The following CDS1 variants were observed in gnomAD, a reference collection of about 807,000 sequenced individuals.
CDS1 encodes the protein phosphatidate cytidylyltransferase 1.
Under a neutral mutation model 62.1 loss-of-function variants are expected in CDS1, and 41 were observed. The ratio of observed to expected loss-of-function variants is 0.66; its 90% CI spans 0.51 to 0.86. CDS1 has a LOEUF of 0.86. Among genes scored for constraint, CDS1 ranks in the 40% least tolerant of loss-of-function variants. The probability of loss-of-function intolerance (pLI) is 0.00; values close to 1 mark genes in which losing one functional copy is unlikely to be tolerated. For missense variants in CDS1, 470 were observed against 550.1 expected (o/e 0.85, Z 1.46); for synonymous variants, 185 against 192.6 (o/e 0.96, Z 0.32).
intron 5 of CDS1, among the ~76,000 whole-genome samples, chr4:84,625,026 A>G (rs571327432): frequency 6.6e-6 from 1 of 151,966 alleles, no homozygotes; most frequent in Admixed American, 6.5e-5. Context: ...GTGCCTGGCT[A>G]ATTTTTGTAT....
chr4:84,645,680 A>G (rs1724535578), intron 12 of CDS1, among the ~76,000 whole-genome samples: 1 of 152,202 alleles, frequency 6.6e-6, no homozygotes, highest in African/African-American at 2.4e-5. Flanking sequence ...CATCCAGTCT[A>G]CCAATTATTA....
chr4:84,646,664 TA>T (rs1724566807), intron 12 of CDS1, among the ~76,000 whole-genome samples: 1 of 152,184 alleles, frequency 6.6e-6, no homozygotes, highest in African/African-American at 2.4e-5. Context: ...GAGTATTTTA[TA>T]ATTTTTGAGA....
chr4:84,584,573 CTGGCT>C (rs1233384110), intron 1 of CDS1, among the ~76,000 whole-genome samples: 1 of 152,206 alleles, frequency 6.6e-6, no homozygotes, highest in African/African-American at 2.4e-5. Flanking sequence ...GTTGCTGAGA[CTGGCT>C]GGCAGTTCTG....
chr4:84,612,728 C>T (rs968617797), intron 3 of CDS1, among the ~76,000 whole-genome samples: 13 of 152,176 alleles, frequency 8.5e-5, no homozygotes, highest in African/African-American at 2.4e-4. Flanking sequence ...CGGTGGCTGA[C>T]GCCTGTAATC....
At chr4:84,619,366 A>G in intron 4 of CDS1, 28 bp from the exon 5 acceptor site, 1 of 1,290,880 alleles carries the variant, frequency 7.7e-7, no homozygotes, top group African/African-American at 1.5e-5. Flanking sequence ...CTTCAAATAT[A>G]GAAAAGCTAA....
chr4:84,590,322 C>T (rs1489984401), intron 1 of CDS1, among the ~76,000 whole-genome samples: 1 of 152,062 alleles, frequency 6.6e-6, no homozygotes, highest in African/African-American at 2.4e-5. Context: ...GCAAGAGTTT[C>T]CAGGAATACT....
At chr4:84,584,007 T>C (rs557020290) in intron 1 of CDS1, among the ~76,000 whole-genome samples, 1 of 152,250 alleles carries the variant, frequency 6.6e-6, no homozygotes, top group South Asian at 2.1e-4. Flanking sequence ...TGCACTTACA[T>C]TTTCTCCATC....
chr4:84,633,829 A>G, intron 6 of CDS1, 28 bp from the exon 7 acceptor site: 1 of 1,509,550 alleles, frequency 6.6e-7, no homozygotes, highest in Non-Finnish European at 9.1e-7. Context: ...TGTGTTCACT[A>G]ATTTTTGTAT....
chr4:84,601,688 G>A (rs189032450), intron 1 of CDS1, among the ~76,000 whole-genome samples: 48 of 152,190 alleles, frequency 3.2e-4, no homozygotes, highest in Admixed American at 8.5e-4. Context: ...CAGGGCGGGC[G>A]GATCACCTGA....
chr4:84,601,998 G>A (rs185813141), intron 1 of CDS1, among the ~76,000 whole-genome samples: 8 of 152,148 alleles, frequency 5.3e-5, no homozygotes, highest in Admixed American at 2.0e-4. Flanking sequence ...GCACAGTGCC[G>A]CATGGCTCTA....
chr4:84,586,210 A>T (rs1430654118), intron 1 of CDS1, among the ~76,000 whole-genome samples: 1 of 152,130 alleles, frequency 6.6e-6, no homozygotes, highest in African/African-American at 2.4e-5. Context: ...TTTGTGGAAG[A>T]CACTTTTTTC....
intron 1 of CDS1, among the ~76,000 whole-genome samples, chr4:84,598,686 T>C (rs545940770): frequency 6.6e-6 from 1 of 152,292 alleles, no homozygotes; most frequent in Admixed American, 6.5e-5. Flanking sequence ...TTGCCCAGGG[T>C]GGTTTCTAAC....
chr4:84,587,582 A>G (rs1560461403), intron 1 of CDS1, among the ~76,000 whole-genome samples: 1 of 152,118 alleles, frequency 6.6e-6, no homozygotes, highest in East Asian at 1.9e-4. Context: ...GTGAAGATCT[A>G]ATGGGTTGAG....
intron 5 of CDS1, among the ~76,000 whole-genome samples, chr4:84,629,912 G>T (rs1723968725): frequency 6.6e-6 from 1 of 152,214 alleles, no homozygotes; most frequent in Non-Finnish European, 1.5e-5. Flanking sequence ...GTATTTTGGA[G>T]TAGTATTTGT....
At chr4:84,586,916 T>A (rs556105053) in intron 1 of CDS1, among the ~76,000 whole-genome samples, 1 of 152,264 alleles carries the variant, frequency 6.6e-6, no homozygotes, top group East Asian at 1.9e-4. Flanking sequence ...TATATATTTG[T>A]ATGAAAGTCA....
rs781015119 is a variant in CDS1, at chr4:84,619,553, G to A, written c.580+20G>A. 9 of 1,420,150 alleles carry A rather than the reference G, an allele frequency of 6.3e-6. No homozygotes were observed. The East Asian group carries it at 1.9e-4, about 30-fold the overall frequency. The allele number at this position is 1,420,150 out of a possible 1,614,324, so 88.0% of individuals were successfully genotyped here. A position where few individuals can be genotyped will look rare whatever the true frequency, so the allele number is the denominator to read the frequency against. ...TGGCAGGTAAGTTAAGGAATATTCT[G>A]TATTGATATATAGTTAACATATTTT... is the stretch of plus-strand genomic sequence containing the variant. On this transcript the variant is annotated intron_variant, in intron 5 of 12. Transcript: ENST00000295887.
At chr4:84,609,625 A>G in intron 3 of CDS1, 100 bp downstream of exon 3, 2 of 710,990 alleles carry the variant, frequency 2.8e-6, no homozygotes, top group Non-Finnish European at 5.0e-6. Context: ...AAGCTAATTC[A>G]ACACTCAGTC....
intron 3 of CDS1, among the ~76,000 whole-genome samples, chr4:84,615,198 C>T (rs1429117791): frequency 6.6e-6 from 1 of 151,904 alleles, no homozygotes; most frequent in Non-Finnish European, 1.5e-5. Flanking sequence ...CTCCCTTAGC[C>T]CCTCAATTTC....
chr4:84,624,367 T>C (rs1372071428), intron 5 of CDS1, among the ~76,000 whole-genome samples: 1 of 151,632 alleles, frequency 6.6e-6, no homozygotes, highest in Non-Finnish European at 1.5e-5. Flanking sequence ...GAAAGGAGTA[T>C]TCCATGAAAT....
Sources: gnomAD v4.1 joint callset for allele counts (sites outside exome capture counted in the v4.1 genomes callset) on GRCh38, gnomAD v4.1.1 for gene constraint, MANE v1.5 for transcripts, NCBI Gene and HGNC (gene_info 2026-07-23, HGNC 2026-07-21) for gene names.